Variants in DUSP13A observed in about 807,000 individuals in gnomAD.
DUSP13A encodes dual specificity protein phosphatase 13A.
At chr10:75,106,007 C>T in the DUSP13A span, 6 of 740,582 alleles carry the variant, frequency 8.1e-6, no homozygotes, top group Non-Finnish European at 1.4e-5. Context: ...CCTTTATGGA[C>T]CTCAGTTTCC....
the DUSP13A span, chr10:75,105,921 G>A: frequency 1.1e-5 from 17 of 1,504,422 alleles, no homozygotes; most frequent in African/African-American, 8.3e-5. Flanking sequence ...GCCCACCCAC[G>A]GGCTGGGATG....
chr10:75,105,681 G>A, the DUSP13A span: 27,334 of 1,549,080 alleles, frequency 0.018, 294 homozygotes, highest in Non-Finnish European at 0.022. Context: ...AGCTCTGGCC[G>A]GCACCCCGCA....
chr10:75,108,349 T>A, the DUSP13A span: 1 of 1,403,136 alleles, frequency 7.1e-7, no homozygotes, highest in Non-Finnish European at 9.4e-7. Context: ...AAGTGGGGTC[T>A]GACTCCACAG....
At chr10:75,107,375 C>A in the DUSP13A span, among the ~76,000 whole-genome samples, 25 of 151,760 alleles carry the variant, frequency 1.6e-4, no homozygotes, top group Non-Finnish European at 1.5e-5. Context: ...AAAAAAAGTA[C>A]TTTGGGGCAG....
the DUSP13A span, chr10:75,108,976 C>T: frequency 7.6e-6 from 12 of 1,570,072 alleles, no homozygotes; most frequent in South Asian, 3.5e-5. Flanking sequence ...TCCACGTCCC[C>T]ACCCCCATGC....
At chr10:75,108,897 G>T in the DUSP13A span, 1 of 1,390,534 alleles carries the variant, frequency 7.2e-7, no homozygotes, top group Non-Finnish European at 9.6e-7. Flanking sequence ...GGCCTGGGAT[G>T]GTCAGAGCAG....
At chr10:75,108,231 C>T in the DUSP13A span, 6 of 1,575,022 alleles carry the variant, frequency 3.8e-6, no homozygotes, top group South Asian at 4.7e-5. Context: ...AGGAAGGGCA[C>T]TTGATGCCGG....
the DUSP13A span, among the ~76,000 whole-genome samples, chr10:75,107,468 C>G: frequency 6.6e-6 from 1 of 152,196 alleles, no homozygotes; most frequent in Non-Finnish European, 1.5e-5. Flanking sequence ...AAATGGCTTT[C>G]AGCCTCAGGG....
chr10:75,106,083 T>C, the DUSP13A span, among the ~76,000 whole-genome samples: 1 of 145,690 alleles, frequency 6.9e-6, no homozygotes, highest in Non-Finnish European at 1.5e-5. Context: ...CGAATTTCTT[T>C]TTTCTTTTCT....
the DUSP13A span, chr10:75,109,034 A>C: frequency 1.2e-6 from 2 of 1,610,998 alleles, no homozygotes; most frequent in African/African-American, 1.3e-5. Flanking sequence ...AGGTTGGGCC[A>C]AACTTCGTCC....
the DUSP13A span, chr10:75,107,984 A>G: frequency 1.3e-5 from 21 of 1,608,262 alleles, no homozygotes; most frequent in South Asian, 2.3e-4. Context: ...TTGGACCCCA[A>G]GTCCTACCCC....
At chr10:75,108,643 C>T in the DUSP13A span, among the ~76,000 whole-genome samples, 2 of 152,090 alleles carry the variant, frequency 1.3e-5, no homozygotes, top group African/African-American at 2.4e-5. Flanking sequence ...GCTTCTCCAC[C>T]GTCTGTATCC....
the DUSP13A span, chr10:75,108,963 C>T: frequency 1.9e-5 from 30 of 1,551,124 alleles, no homozygotes; most frequent in Middle Eastern, 3.5e-4. Flanking sequence ...CAAGAACTGC[C>T]TCTCCACGTC....
At chr10:75,108,938 G>A in the DUSP13A span, 10 of 1,527,014 alleles carry the variant, frequency 6.5e-6, no homozygotes, top group East Asian at 1.9e-4. Context: ...ACCCTCCTGT[G>A]TCTGGTAAAG....
the DUSP13A span, chr10:75,108,869 G>T: frequency 1.7e-6 from 2 of 1,143,812 alleles, no homozygotes; most frequent in African/African-American, 1.6e-5. Context: ...ACCCCCGGGG[G>T]TCCTGGAGAA....
the DUSP13A span, chr10:75,108,894 G>T: frequency 7.3e-7 from 1 of 1,362,660 alleles, no homozygotes; most frequent in Non-Finnish European, 9.7e-7. Flanking sequence ...CCTGGCCTGG[G>T]ATGGTCAGAG....
chr10:75,108,233 T>G, the DUSP13A span: 1 of 1,573,736 alleles, frequency 6.4e-7, no homozygotes, highest in East Asian at 2.2e-5. Flanking sequence ...GAAGGGCACT[T>G]GATGCCGGCC....
chr10:75,106,034 T>C, the DUSP13A span, among the ~76,000 whole-genome samples: 1 of 152,036 alleles, frequency 6.6e-6, no homozygotes, highest in Non-Finnish European at 1.5e-5. Flanking sequence ...GTAAAATGGG[T>C]AGATCAACAC....
chr10:75,109,048 C>G, the DUSP13A span: 28 of 1,611,424 alleles, frequency 1.7e-5, no homozygotes, highest in Middle Eastern at 1.6e-4. Flanking sequence ...TTCGTCCACA[C>G]GGCTGCAAGA....
Sources: allele counts gnomAD v4.1 joint callset (sites outside exome capture counted in the v4.1 genomes callset), GRCh38; gene constraint gnomAD v4.1.1; transcripts MANE v1.5; gene names NCBI Gene and HGNC (gene_info 2026-07-23, HGNC 2026-07-21).